CARMIL1: variants seen among roughly 807,000 people sequenced by gnomAD.
CARMIL1 encodes capping protein regulator and myosin 1 linker 1, also known as F-actin-uncapping protein LRRC16A.
A neutral mutation model predicts 177.1 loss-of-function variants in CARMIL1; 90 were observed. That is an observed-to-expected ratio of 0.51 (90% confidence interval 0.43 to 0.61). CARMIL1 has a LOEUF of 0.61. Among genes scored for constraint, CARMIL1 ranks in the 20% least tolerant of loss-of-function variants. The pLI, the probability that CARMIL1 is intolerant of heterozygous loss-of-function variation, is 0.00. For missense variants in CARMIL1, 1,380 were observed against 1,667.0 expected (o/e 0.83, Z 3.00); for synonymous variants, 577 against 606.2 (o/e 0.95, Z 0.71).
chr6:25,574,765 A>G (rs1812431730), intron 29 of CARMIL1, among the ~76,000 whole-genome samples: 1 of 152,182 alleles, frequency 6.6e-6, no homozygotes, highest in African/African-American at 2.4e-5. Context: ...ATGTTGCTAC[A>G]GGTAGTTTTT....
At chr6:25,343,732 C>A (rs935364374) in intron 2 of CARMIL1, among the ~76,000 whole-genome samples, 1 of 152,074 alleles carries the variant, frequency 6.6e-6, no homozygotes, top group East Asian at 1.9e-4. Context: ...GCAAACCCCC[C>A]ACTTCCTCAC....
intron 2 of CARMIL1, among the ~76,000 whole-genome samples, chr6:25,307,711 A>G (rs751225880): frequency 4.6e-5 from 7 of 152,228 alleles, no homozygotes; most frequent in Non-Finnish European, 8.8e-5. Context: ...GATCTGAAAT[A>G]TTGTGGGAAG....
chr6:25,498,744 T>C (rs1803991703), intron 16 of CARMIL1, among the ~76,000 whole-genome samples: 1 of 152,194 alleles, frequency 6.6e-6, no homozygotes, highest in Non-Finnish European at 1.5e-5. Context: ...CACCCATTAC[T>C]CGCTGGGCTG....
intron 2 of CARMIL1, 129 bp from the exon 3 acceptor site, chr6:25,419,985 C>G: frequency 1.4e-6 from 1 of 712,224 alleles, no homozygotes; most frequent in Non-Finnish European, 2.5e-6. Context: ...CGTAATTCTT[C>G]TTACATGACA....
intron 2 of CARMIL1, among the ~76,000 whole-genome samples, chr6:25,397,963 G>A (rs1288704549): frequency 2.0e-5 from 3 of 152,230 alleles, no homozygotes; most frequent in Admixed American, 2.0e-4. Flanking sequence ...AGTGAGGGAA[G>A]ATACTGACAT....
intron 29 of CARMIL1, among the ~76,000 whole-genome samples, chr6:25,557,249 G>T (rs773869807): frequency 6.6e-5 from 10 of 152,078 alleles, no homozygotes; most frequent in Non-Finnish European, 1.2e-4. Context: ...ACAACTTTTT[G>T]ACAAACCCTT....
chr6:25,403,406 C>G (rs1794062210), intron 2 of CARMIL1, among the ~76,000 whole-genome samples: 2 of 152,128 alleles, frequency 1.3e-5, no homozygotes, highest in Non-Finnish European at 1.5e-5. Context: ...CTCTCCTTCT[C>G]TCACCCAACA....
intron 2 of CARMIL1, among the ~76,000 whole-genome samples, chr6:25,292,815 G>A (rs1302879768): frequency 1.3e-5 from 2 of 152,114 alleles, no homozygotes; most frequent in African/African-American, 4.8e-5. Context: ...GTAAGTGATG[G>A]GGGGGAGTAG....
At position 25,509,585 on chromosome 6, in the gene CARMIL1, A is replaced by AT; in HGVS notation, c.1396-66dup. On this transcript the variant is annotated intron_variant, in intron 17 of 36. Transcript: ENST00000329474. This position sits in a 1 kb window ranked among gnomAD's most constrained non-coding sequence, Gnocchi z 4.1. Reference sequence around the variant, plus strand: ...TATTTTAAGACTGACTGTCTCTCCTATTTTTAATTTTTTGATTACATCTCC... The same window carrying AT: ...TATTTTAAGACTGACTGTCTCTCCTATTTTTTAATTTTTTGATTACATCTCC... The AT allele has an allele frequency of 1.0e-6, 1 of 990,554 alleles. No individual in the cohort carries two copies. The highest frequency in any genetic ancestry group is 1.5e-6 in the Non-Finnish European group (1 of 647,416). 61.4% of individuals were successfully genotyped at this position (990,554 alleles called of 1,614,324 possible).
chr6:25,290,845 G>A (rs1184353652), intron 2 of CARMIL1, among the ~76,000 whole-genome samples: 1 of 152,160 alleles, frequency 6.6e-6, no homozygotes, highest in Non-Finnish European at 1.5e-5. Context: ...GAGTGCAGTG[G>A]CACTATCACA....
At chr6:25,398,238 A>G (rs1306506459) in intron 2 of CARMIL1, among the ~76,000 whole-genome samples, 2 of 152,226 alleles carry the variant, frequency 1.3e-5, no homozygotes, top group Non-Finnish European at 2.9e-5. Context: ...GACCTCTTCC[A>G]CCAAGAGCTC....
At chr6:25,359,656 C>G (rs543761560) in intron 2 of CARMIL1, among the ~76,000 whole-genome samples, 2 of 152,206 alleles carry the variant, frequency 1.3e-5, no homozygotes, top group African/African-American at 4.8e-5. Context: ...ATTGGGATTG[C>G]GTTCCCTTGA....
At chr6:25,440,331 T>G (rs531847742) in intron 5 of CARMIL1, among the ~76,000 whole-genome samples, 41 of 152,264 alleles carry the variant, frequency 2.7e-4, no homozygotes, top group African/African-American at 9.6e-4. Flanking sequence ...GAGAGAGTAG[T>G]GAAAGGAAAG....
intron 36 of CARMIL1, among the ~76,000 whole-genome samples, chr6:25,618,037 T>C (rs1407472451): frequency 6.6e-6 from 1 of 152,202 alleles, no homozygotes; most frequent in Non-Finnish European, 1.5e-5. Context: ...TATTATCAGA[T>C]TTGAAAGGTT....
intron 5 of CARMIL1, among the ~76,000 whole-genome samples, chr6:25,442,499 C>A (rs1270461284): frequency 6.6e-6 from 1 of 151,150 alleles, no homozygotes; most frequent in East Asian, 1.9e-4. Flanking sequence ...TGTGTGTGAG[C>A]TGGTGCCCGG....
rs369377548 is a variant in CARMIL1, at chr6:25,619,402, G to A, written c.3980-45G>A. ...CAGCCCATTATCAGTCAGGCCACTGGTATTACTTTGTCAGTAAACTGTGCG... is the reference window on the plus strand; with the variant it reads ...CAGCCCATTATCAGTCAGGCCACTGATATTACTTTGTCAGTAAACTGTGCG... On this transcript the variant is annotated intron_variant, in intron 36 of 36. Coordinates refer to ENST00000329474, the MANE Select transcript of CARMIL1 (RefSeq NM_017640.6). The A allele has an allele frequency of 7.1e-5, 113 of 1,589,536 alleles. No homozygotes were observed. In the African/African-American group the frequency reaches 8.9e-4, roughly 12 times the overall value.
intron 21 of CARMIL1, among the ~76,000 whole-genome samples, chr6:25,516,761 A>C (rs1231634938): frequency 1.3e-5 from 2 of 152,250 alleles, no homozygotes; most frequent in Non-Finnish European, 2.9e-5. Flanking sequence ...TTTGTGTTTA[A>C]AAAGCAAACA....
At chr6:25,487,279 C>T (rs1582119346) in intron 12 of CARMIL1, among the ~76,000 whole-genome samples, 1 of 152,300 alleles carries the variant, frequency 6.6e-6, no homozygotes, top group East Asian at 1.9e-4. Context: ...GTAGTACCTT[C>T]ATCGGATCCT....
chr6:25,482,786 G>A (rs1802250584), intron 12 of CARMIL1, among the ~76,000 whole-genome samples: 1 of 152,116 alleles, frequency 6.6e-6, no homozygotes, highest in South Asian at 2.1e-4. Flanking sequence ...TGTCTTTAGA[G>A]ATTTCCTTAT....
Sources: allele counts gnomAD v4.1 joint callset (sites outside exome capture counted in the v4.1 genomes callset), GRCh38; gene constraint gnomAD v4.1.1; non-coding constraint Gnocchi (gnomAD v3.1); transcripts MANE v1.5; gene names NCBI Gene and HGNC (gene_info 2026-07-23, HGNC 2026-07-21).